The following PLAC9 variants were observed in gnomAD, a reference collection of about 807,000 sequenced individuals.
PLAC9 encodes the protein placenta-specific protein 9.
In PLAC9, 12 loss-of-function variants were observed where a neutral mutation model predicts 11.5. That is an observed-to-expected ratio of 1.05 (90% CI 0.67 to 1.69). The LOEUF is 1.69. Among genes scored for constraint, PLAC9 ranks in the 40% most tolerant of loss-of-function variants. The pLI is 0.00. For synonymous variants in PLAC9, 62 were observed against 58.1 expected (o/e 1.07, Z -0.31); for missense variants, 132 against 130.5 (o/e 1.01, Z -0.06).
rs1328551523 is a variant in PLAC9 at position 80,145,098 on chromosome 10, G to C, written c.*188G>C. 1.0e-5 allele frequency: 8 copies of C among 785,510 alleles called. No individual in the cohort carries two copies. The highest frequency in any genetic ancestry group is 1.3e-5 in the Non-Finnish European group (6 of 464,380). 48.7% of individuals were successfully genotyped at this position (785,510 alleles called of 1,614,324 possible). On this transcript the variant is annotated 3_prime_UTR_variant, in exon 4 of 4. Transcript: ENST00000372263. ...TCCTCTCACTCCACTTCCATGCCTGGAGGAAGCCTGCAACCCCCTCCAGGC... is the reference window on the plus strand; with the variant it reads ...TCCTCTCACTCCACTTCCATGCCTGCAGGAAGCCTGCAACCCCCTCCAGGC...
At chr10:80,144,425 A>C in intron 3 of PLAC9, 82 bp downstream of exon 3, 1 of 1,474,962 alleles carries the variant, frequency 6.8e-7, no homozygotes, top group Non-Finnish European at 9.0e-7. Flanking sequence ...CGGCTGCTCC[A>C]CTGCACAGGT....
In PLAC9 at chr10:80,145,123, C is replaced by A. The variant is rs1845088650; in HGVS notation, c.*213C>A. The A allele has an allele frequency of 1.4e-6, 1 of 708,028 alleles. No homozygotes were observed. The highest frequency in any genetic ancestry group is 1.5e-5 in the South Asian group (1 of 65,372). 43.9% of individuals were successfully genotyped at this position (708,028 alleles called of 1,614,324 possible). The stretch of plus-strand genomic sequence containing the variant: ...GAGGAAGCCTGCAACCCCCTCCAGG[C>A]TCAGACCTGGGGACACCCCCACTCC... On this transcript the variant is annotated 3_prime_UTR_variant, in exon 4 of 4. Coordinates refer to ENST00000372263, the MANE Select transcript of PLAC9 (RefSeq NM_001012973.3).
At chr10:80,138,647 G>A (rs1187535277) in intron 1 of PLAC9, among the ~76,000 whole-genome samples, 3 of 152,174 alleles carry the variant, frequency 2.0e-5, no homozygotes, top group Admixed American at 2.0e-4. Context: ...AGGAGGTCAG[G>A]GTGCCTGAGG....
chr10:80,138,027 C>T (rs953191615), intron 1 of PLAC9, among the ~76,000 whole-genome samples: 1 of 151,960 alleles, frequency 6.6e-6, no homozygotes, highest in African/African-American at 2.4e-5. Flanking sequence ...CCCCCAGGGG[C>T]CTCTCTCTCT....
chr10:80,134,200 T>C (rs1311173506), intron 1 of PLAC9, among the ~76,000 whole-genome samples: 1 of 151,806 alleles, frequency 6.6e-6, no homozygotes, highest in Non-Finnish European at 1.5e-5. Flanking sequence ...CTCCACCCTC[T>C]CTCCCCTCCC....
rs757491051 is a variant in PLAC9, at chr10:80,144,207, C to T, written c.163-16C>T. ...AACCACTTCTGTCCTCGACTTTACC[C>T]CACTTCCCACTCTAGATGGTAGAGA... On this transcript the variant is annotated splice_polypyrimidine_tract_variant and intron_variant, in intron 2 of 3. Coordinates refer to ENST00000372263, the MANE Select transcript of PLAC9 (RefSeq NM_001012973.3). The T allele has an allele frequency of 2.7e-5, 43 of 1,614,126 alleles. 1 individual carries two copies. The Middle Eastern group carries it at 1.5e-3, about 56-fold the overall frequency.
chr10:80,142,028 C>T, intron 1 of PLAC9, 54 bp from the exon 2 acceptor site: 1 of 1,488,146 alleles, frequency 6.7e-7, no homozygotes. Flanking sequence ...ACAGGAGTCT[C>T]TGGCATTATG....
intron 1 of PLAC9, among the ~76,000 whole-genome samples, chr10:80,137,676 A>G (rs1844995750): frequency 6.6e-6 from 1 of 152,168 alleles, no homozygotes; most frequent in African/African-American, 2.4e-5. Context: ...GCACTTTGGG[A>G]GGCCGAGACA....
At chr10:80,141,804 T>C (rs1845042478) in intron 1 of PLAC9, among the ~76,000 whole-genome samples, 1 of 152,108 alleles carries the variant, frequency 6.6e-6, no homozygotes, top group Non-Finnish European at 1.5e-5. Context: ...CTCTCCATTG[T>C]TGCAGGTGCC....
chr10:80,142,393 C>T (rs780849804), intron 2 of PLAC9, among the ~76,000 whole-genome samples: 3 of 152,112 alleles, frequency 2.0e-5, no homozygotes, highest in Non-Finnish European at 2.9e-5. Flanking sequence ...TACCCCCACC[C>T]GGATATTTCA....
At chr10:80,144,113 C>A in intron 2 of PLAC9, 110 bp from the exon 3 acceptor site, 1 of 1,493,930 alleles carries the variant, frequency 6.7e-7, no homozygotes, top group Non-Finnish European at 9.3e-7. Flanking sequence ...AGCGCCCAGT[C>A]CTTTCCCACT....
Position 80,145,153 on chromosome 10 carries a change from A to G in PLAC9, c.*243A>G. 1 of 650,444 alleles carries G rather than the reference A, an allele frequency of 1.5e-6. No homozygotes were observed. Among genetic ancestry groups the G allele is most frequent in the Non-Finnish European group, 2.7e-6 (1 of 366,008 alleles). 40.3% of individuals were successfully genotyped at this position (650,444 alleles called of 1,614,324 possible). A position where few individuals can be genotyped will look rare whatever the true frequency, so the allele number is the denominator to read the frequency against. The stretch of plus-strand genomic sequence containing the variant: ...ACCTGGGGACACCCCCACTCCTGTC[A>G]TTTATAGGGGCAGATGGAGCAGGGG... On this transcript the variant is annotated 3_prime_UTR_variant, in exon 4 of 4. Transcript: ENST00000372263.
chr10:80,141,613 AAC>A (rs1432819354), intron 1 of PLAC9, among the ~76,000 whole-genome samples: 1 of 151,856 alleles, frequency 6.6e-6, no homozygotes, highest in Non-Finnish European at 1.5e-5. Flanking sequence ...CAAACAAACA[AAC>A]ACACAAAAAA....
rs539791817 is a variant in PLAC9 at position 80,144,881 on chromosome 10, G to A, written c.284-19G>A. On this transcript the variant is annotated intron_variant, in intron 3 of 3. Transcript: ENST00000372263. ...GCGGCACCCCAGCTTGCTCACTGGG[G>A]GCCTCTGCTTTCTTTCAGATGGCTT... 1.0e-5 allele frequency: 16 copies of A among 1,570,172 alleles called. No individual in the cohort carries two copies. The Admixed American group carries it at 1.1e-4, about 11-fold the overall frequency.
upstream of PLAC9, among the ~76,000 whole-genome samples, chr10:80,132,026 G>C (rs900224268): frequency 6.6e-6 from 1 of 152,182 alleles, no homozygotes; most frequent in African/African-American, 2.4e-5. Flanking sequence ...GTCCCATAGG[G>C]GAAGTTTCCA....
At chr10:80,133,780 T>C (rs1844940228) in intron 1 of PLAC9, among the ~76,000 whole-genome samples, 1 of 152,000 alleles carries the variant, frequency 6.6e-6, no homozygotes, top group African/African-American at 2.4e-5. Flanking sequence ...CTGTCTCTAT[T>C]AAAAATACAA....
At chr10:80,136,246 C>T (rs544166972) in intron 1 of PLAC9, among the ~76,000 whole-genome samples, 5 of 152,260 alleles carry the variant, frequency 3.3e-5, no homozygotes, top group East Asian at 1.9e-4. Flanking sequence ...GCACATCAGG[C>T]CCCTAGCAGG....
rs761252247 is a variant in PLAC9 at position 80,144,912 on chromosome 10, C to T, written c.*2C>T. ...TGCTTTCTTTCAGATGGCTTCTGAG[C>T]CCTGGAGCTGGAGCCCAGCAGTTGG... is the stretch of plus-strand genomic sequence containing the variant. On this transcript the variant is annotated 3_prime_UTR_variant, in exon 4 of 4. Transcript: ENST00000372263. The T allele has an allele frequency of 7.6e-6, 12 of 1,575,622 alleles. No homozygotes were observed. In the East Asian group the frequency reaches 2.5e-4, roughly 33 times the overall value.
chr10:80,136,750 C>T (rs1844978965), intron 1 of PLAC9, among the ~76,000 whole-genome samples: 3 of 151,976 alleles, frequency 2.0e-5, no homozygotes, highest in South Asian at 2.1e-4. Context: ...TGGCTTCAAG[C>T]GATCCTCTTG....
Sources: allele counts gnomAD v4.1 joint callset (sites outside exome capture counted in the v4.1 genomes callset), GRCh38; gene constraint gnomAD v4.1.1; transcripts MANE v1.5; gene names NCBI Gene and HGNC (gene_info 2026-07-23, HGNC 2026-07-21).